CELF2: variants seen among roughly 807,000 people sequenced by gnomAD.
CELF2 encodes the protein CUG triplet repeat RNA-binding protein 2.
Under a neutral mutation model 62.6 loss-of-function variants are expected in CELF2, and 8 were observed. That is an observed-to-expected ratio of 0.13 (90% CI 0.07 to 0.23). The LOEUF is 0.23. CELF2 is among the 10% of genes least tolerant of loss of function. The pLI is 1.00. For missense variants in CELF2, 333 were observed against 671.0 expected (o/e 0.50, Z 5.56); for synonymous variants, 258 against 250.0 (o/e 1.03, Z -0.30).
At chr10:10,821,195 C>A (rs947727962) in intron 1 of CELF2, among the ~76,000 whole-genome samples, 2 of 152,140 alleles carry the variant, frequency 1.3e-5, no homozygotes, top group Non-Finnish European at 2.9e-5. Flanking sequence ...GGACATCTAG[C>A]GTCCAAGGTA....
chr10:11,114,816 A>G (rs1430734584), intron 1 of CELF2, among the ~76,000 whole-genome samples: 2 of 152,252 alleles, frequency 1.3e-5, no homozygotes, highest in Non-Finnish European at 2.9e-5. Context: ...AGATGCGATC[A>G]TTTATTATAC....
chr10:10,700,279 A>C, the CELF2 span, among the ~76,000 whole-genome samples: 2 of 152,232 alleles, frequency 1.3e-5, no homozygotes, highest in East Asian at 3.8e-4. Flanking sequence ...AGGGAAAAGA[A>C]GAAAGGGAGG....
the CELF2 span, among the ~76,000 whole-genome samples, chr10:10,603,663 A>G: frequency 6.6e-6 from 1 of 152,198 alleles, no homozygotes; most frequent in Non-Finnish European, 1.5e-5. Context: ...TAAAATAAGG[A>G]TAAGTGCCTT....
At chr10:11,129,251 T>C (rs1198821884) in intron 1 of CELF2, among the ~76,000 whole-genome samples, 1 of 152,214 alleles carries the variant, frequency 6.6e-6, no homozygotes, top group Non-Finnish European at 1.5e-5. Flanking sequence ...GTGGATAAGC[T>C]TTTTGATGTG....
chr10:10,739,740 C>T, the CELF2 span, among the ~76,000 whole-genome samples: 3 of 152,122 alleles, frequency 2.0e-5, no homozygotes, highest in Non-Finnish European at 2.9e-5. Context: ...GTTCCTTAGC[C>T]TTTCCTTGTC....
At chr10:11,160,276 A>G (rs2065407012) in intron 1 of CELF2, among the ~76,000 whole-genome samples, 1 of 152,200 alleles carries the variant, frequency 6.6e-6, no homozygotes, top group Admixed American at 6.5e-5. Flanking sequence ...TTAGCCTCAG[A>G]TCCTAGAGTT....
rs558734985 is a variant in CELF2, at chr10:11,111,137, T to C, written c.75-54349T>C. Among the ~76,000 whole-genome samples the C allele has an allele frequency of 2.0e-5, 3 of 152,322 alleles. No individual in the cohort carries two copies. The South Asian group carries it at 6.2e-4, about 32-fold the overall frequency. On this transcript the variant is annotated intron_variant, in intron 1 of 12. Coordinates refer to ENST00000633077, the MANE Select transcript of CELF2 (RefSeq NM_001326342.2). ...GGATGAGATAATAATATGTGGCATT[T>C]ATTAATGGAGTGCTTTTTTACTCAG...
At chr10:11,052,417 T>G (rs2064131455) in intron 1 of CELF2, among the ~76,000 whole-genome samples, 1 of 152,182 alleles carries the variant, frequency 6.6e-6, no homozygotes. Context: ...GATTGAAGCT[T>G]CTTTATGCTG....
the CELF2 span, among the ~76,000 whole-genome samples, chr10:10,581,230 G>A: frequency 4.6e-5 from 7 of 152,150 alleles, no homozygotes. Context: ...TTTGCTACTA[G>A]TTGCTCCCCA....
chr10:10,956,105 G>A (rs1202616254), intron 2 of CELF2, among the ~76,000 whole-genome samples: 1 of 152,158 alleles, frequency 6.6e-6, no homozygotes, highest in African/African-American at 2.4e-5. Flanking sequence ...TTATATGGAT[G>A]GGTCTGTTTA....
At chr10:10,523,667 T>C in the CELF2 span, among the ~76,000 whole-genome samples, 1 of 152,192 alleles carries the variant, frequency 6.6e-6, no homozygotes, top group Non-Finnish European at 1.5e-5. Context: ...CAGCTCACTC[T>C]TTCCCTTAAT....
chr10:11,073,637 C>G (rs1164992120), intron 1 of CELF2, among the ~76,000 whole-genome samples: 1 of 152,210 alleles, frequency 6.6e-6, no homozygotes, highest in Non-Finnish European at 1.5e-5. Context: ...TTATATTTCA[C>G]TCAATTGTGG....
intron 1 of CELF2, among the ~76,000 whole-genome samples, chr10:11,108,355 TG>T (rs763305005): frequency 9.7e-4 from 147 of 151,822 alleles, no homozygotes; most frequent in Non-Finnish European, 1.8e-3. Flanking sequence ...ACTGTTTTTT[TG>T]TTTGTTTTTT....
the CELF2 span, among the ~76,000 whole-genome samples, chr10:10,617,208 A>G: frequency 3.6e-3 from 542 of 152,308 alleles, 7 homozygotes; most frequent in African/African-American, 0.013. Flanking sequence ...ATGAGTTTGC[A>G]AAATAGGGTC....
chr10:11,265,590 C>T (rs756891729), intron 5 of CELF2, among the ~76,000 whole-genome samples: 3 of 152,176 alleles, frequency 2.0e-5, no homozygotes, highest in Non-Finnish European at 4.4e-5. Context: ...CTCTAAGAAG[C>T]CCAAGGGTGC....
intron 2 of CELF2, among the ~76,000 whole-genome samples, chr10:11,179,135 C>T (rs548355231): frequency 3.9e-5 from 6 of 152,172 alleles, no homozygotes; most frequent in Admixed American, 6.5e-5. Flanking sequence ...TTAATGCTTT[C>T]GCTTCTTTTA....
At chr10:10,790,143 A>G in the CELF2 span, among the ~76,000 whole-genome samples, 2 of 152,208 alleles carry the variant, frequency 1.3e-5, no homozygotes, top group East Asian at 1.9e-4. Flanking sequence ...CGTTCTTGTA[A>G]TATTTCATAT....
At chr10:10,841,546 CT>C (rs569178714) in intron 1 of CELF2, among the ~76,000 whole-genome samples, 3,318 of 139,988 alleles carry the variant, frequency 0.024, 81 homozygotes, top group African/African-American at 0.064. Flanking sequence ...GCCTTTGCAT[CT>C]TTTTTTTTTT....
At chr10:10,825,498 C>T (rs1297180987) in intron 1 of CELF2, among the ~76,000 whole-genome samples, 1 of 152,230 alleles carries the variant, frequency 6.6e-6, no homozygotes, top group East Asian at 1.9e-4. Flanking sequence ...GCATGAGCCA[C>T]CGCGCCCAGC....
Sources: gnomAD v4.1 joint callset for allele counts (sites outside exome capture counted in the v4.1 genomes callset) on GRCh38, gnomAD v4.1.1 for gene constraint, MANE v1.5 for transcripts, NCBI Gene and HGNC (gene_info 2026-07-23, HGNC 2026-07-21) for gene names.